Variants in CCDC60 observed in about 807,000 individuals in gnomAD.
The protein encoded by CCDC60 is coiled-coil domain containing 60.
In CCDC60, 54 loss-of-function variants were observed where a neutral mutation model predicts 63.5. The ratio of observed to expected loss-of-function variants is 0.85; its 90% CI spans 0.68 to 1.07. The LOEUF is 1.07. CCDC60 is among the 50% of genes least tolerant of loss of function. The probability of loss-of-function intolerance (pLI) is 0.00; values close to 1 mark genes in which losing one functional copy is unlikely to be tolerated. For missense variants in CCDC60, 651 were observed against 684.3 expected (o/e 0.95, Z 0.54); for synonymous variants, 206 against 238.8 (o/e 0.86, Z 1.27).
intron 1 of CCDC60, among the ~76,000 whole-genome samples, chr12:119,381,332 T>C (rs1382417350): frequency 6.6e-6 from 1 of 152,234 alleles, no homozygotes; most frequent in African/African-American, 2.4e-5. Flanking sequence ...AGGGTCTTTA[T>C]GATGAACTGA....
chr12:119,471,876 C>T lies in CCDC60; in HGVS notation c.171-118C>T, dbSNP rs180810863. The T allele has an allele frequency of 7.4e-5, 58 of 785,976 alleles. No individual in the cohort carries two copies. In the African/African-American group the frequency reaches 9.0e-4, roughly 12 times the overall value. The allele number at this position is 785,976 out of a possible 1,614,324, so 48.7% of individuals were successfully genotyped here. On this transcript the variant is annotated intron_variant, in intron 2 of 13. Transcript: ENST00000327554. ...TCTACCTGTTTCTTTCTCTCTATCC[C>T]TCTTTATCTCTCTTTTCTCTTTCCT...
intron 11 of CCDC60, chr12:119,524,371 C>A (rs1243050771): frequency 2.4e-6 from 2 of 820,810 alleles, no homozygotes; most frequent in Non-Finnish European, 2.9e-6. Flanking sequence ...TCTGATAACC[C>A]AATAACTTCT....
intron 1 of CCDC60, among the ~76,000 whole-genome samples, chr12:119,368,969 A>C (rs1256917180): frequency 6.6e-6 from 1 of 152,108 alleles, no homozygotes; most frequent in South Asian, 2.1e-4. Context: ...ATGAAGAAAG[A>C]GGAATGGGTG....
In CCDC60 at chr12:119,530,917, T is replaced by C. The variant is rs369830128; in HGVS notation, c.1405T>C (p.Phe469Leu). The C allele has an allele frequency of 1.2e-6, 2 of 1,614,144 alleles. No homozygotes were observed. Among genetic ancestry groups the C allele is most frequent in the Non-Finnish European group, 1.7e-6 (2 of 1,179,998 alleles). The change falls in exon 13 of 14, where the codon TTC becomes CTC. Residue 469 changes from phenylalanine (F) to leucine (L), a missense_variant. Phe to Leu is a conservative substitution (Grantham distance 22, BLOSUM62 0). Coordinates refer to ENST00000327554, the MANE Select transcript of CCDC60 (RefSeq NM_178499.5). ...LSKLPEDLKN[F>L]RPAKKILVKL... ...CAAACTGCCAGAGGATCTAAAGAAC[T>C]TCCGCCCCGCCAAAAAGATCCTGGT...
chr12:119,479,995 T>TACACACACACACACACAC (rs56080581), intron 4 of CCDC60, among the ~76,000 whole-genome samples: 3 of 121,974 alleles, frequency 2.5e-5, no homozygotes, highest in Non-Finnish European at 3.4e-5. Context: ...CCGTACATCA[T>TACACACACACACACACAC]ACACACACAC....
At chr12:119,383,899 T>G (rs1202007137) in intron 1 of CCDC60, among the ~76,000 whole-genome samples, 1 of 152,142 alleles carries the variant, frequency 6.6e-6, no homozygotes, top group Non-Finnish European at 1.5e-5. Flanking sequence ...CTAGCCACTT[T>G]AAAGAGACAG....
chr12:119,524,359 G>A, intron 11 of CCDC60: 5 of 726,228 alleles, frequency 6.9e-6, no homozygotes, highest in Non-Finnish European at 8.4e-6. Flanking sequence ...TTTCTTCCCT[G>A]TTCTGATAAC....
At chr12:119,337,660 G>A (rs1032158569) in intron 1 of CCDC60, among the ~76,000 whole-genome samples, 2 of 152,162 alleles carry the variant, frequency 1.3e-5, no homozygotes. Context: ...TCGCCTTCAA[G>A]AATCTTACAA....
At chr12:119,457,716 C>CGGGGGGGG (rs144305914) in intron 2 of CCDC60, among the ~76,000 whole-genome samples, 2 of 150,418 alleles carry the variant, frequency 1.3e-5, no homozygotes, top group African/African-American at 2.5e-5. Flanking sequence ...TGGTGGTTGG[C>CGGGGGGGG]GGGGGGGAGA....
At chr12:119,337,749 G>A (rs1198322864) in intron 1 of CCDC60, among the ~76,000 whole-genome samples, 3 of 151,976 alleles carry the variant, frequency 2.0e-5, no homozygotes, top group Non-Finnish European at 4.4e-5. Flanking sequence ...GATGTGTTGA[G>A]GAAGTATCAG....
In CCDC60 at chr12:119,358,922, A is replaced by G. The variant is rs1030907234; in HGVS notation, c.90+23656A>G. Among the ~76,000 whole-genome samples the G allele has an allele frequency of 9.3e-4, 142 of 152,296 alleles. 1 individual carries two copies. The highest frequency in any genetic ancestry group is 1.0e-4 in the Non-Finnish European group (7 of 68,024). ...AAAATGCTATGAATGTTTTTTGTACAATGCCTTTTGGTGAATAAATGTAGA... is the reference window on the plus strand; with the variant it reads ...AAAATGCTATGAATGTTTTTTGTACGATGCCTTTTGGTGAATAAATGTAGA... On this transcript the variant is annotated intron_variant, in intron 1 of 13. Coordinates refer to ENST00000327554, the MANE Select transcript of CCDC60 (RefSeq NM_178499.5).
intron 1 of CCDC60, among the ~76,000 whole-genome samples, chr12:119,403,897 G>A (rs906428557): frequency 6.6e-6 from 1 of 152,158 alleles, no homozygotes; most frequent in Admixed American, 6.5e-5. Flanking sequence ...ATGTTTTGAT[G>A]TATGTATACA....
At chr12:119,414,067 G>A (rs1173217190) in intron 1 of CCDC60, among the ~76,000 whole-genome samples, 1 of 151,984 alleles carries the variant, frequency 6.6e-6, no homozygotes, top group Non-Finnish European at 1.5e-5. Context: ...CACCCAGGCT[G>A]GAGTGCAGTG....
intron 2 of CCDC60, among the ~76,000 whole-genome samples, chr12:119,464,568 A>G (rs1338463440): frequency 6.6e-6 from 1 of 151,940 alleles, no homozygotes; most frequent in Non-Finnish European, 1.5e-5. Context: ...CCCCCGAAAA[A>G]CCTTAAAAAC....
chr12:119,363,329 T>A (rs1955809795), intron 1 of CCDC60, among the ~76,000 whole-genome samples: 1 of 152,202 alleles, frequency 6.6e-6, no homozygotes, highest in South Asian at 2.1e-4. Context: ...GATTCCTCTT[T>A]TGTGAATGCC....
chr12:119,532,720 A>G (rs1952888059), intron 13 of CCDC60, among the ~76,000 whole-genome samples: 1 of 152,124 alleles, frequency 6.6e-6, no homozygotes, highest in South Asian at 2.1e-4. Flanking sequence ...TTCCAGCTTC[A>G]TCTATGTCCC....
At chr12:119,525,579 T>C (rs1952659018) in intron 11 of CCDC60, among the ~76,000 whole-genome samples, 1 of 152,192 alleles carries the variant, frequency 6.6e-6, no homozygotes, top group Admixed American at 6.5e-5. Flanking sequence ...ATAAGATCCT[T>C]TTCAGATAAG....
At chr12:119,439,162 A>AG (rs1209343582) in intron 2 of CCDC60, among the ~76,000 whole-genome samples, 7 of 151,070 alleles carry the variant, frequency 4.6e-5, no homozygotes, top group Non-Finnish European at 1.0e-4. Context: ...AAAAAAAAAA[A>AG]AAAAAAAAAA....
At chr12:119,441,137 G>A (rs1013568541) in intron 2 of CCDC60, among the ~76,000 whole-genome samples, 3 of 152,188 alleles carry the variant, frequency 2.0e-5, no homozygotes, top group African/African-American at 7.2e-5. Context: ...GAAACTTGGA[G>A]GTCCATGTTT....
Sources: allele counts gnomAD v4.1 joint callset (sites outside exome capture counted in the v4.1 genomes callset), GRCh38; gene constraint gnomAD v4.1.1; transcripts MANE v1.5; gene names NCBI Gene and HGNC (gene_info 2026-07-23, HGNC 2026-07-21).